The following PLB1 variants were observed in gnomAD, a reference collection of about 807,000 sequenced individuals.
The protein encoded by PLB1 is phospholipase B1, also known as phospholipase B1, membrane-associated.
Under a neutral mutation model 227.4 loss-of-function variants are expected in PLB1, and 242 were observed. The observed-to-expected ratio is 1.06, with a 90% CI of 0.96 to 1.18. The LOEUF is 1.18. Among genes scored for constraint, PLB1 ranks in the 50% most tolerant of loss-of-function variants. PLB1 has a pLI of 0.00. For synonymous variants in PLB1, 757 were observed against 682.2 expected, an observed-to-expected ratio of 1.11 and a Z score of -1.71; for missense variants, 1,858 against 1,816.3, an observed-to-expected ratio of 1.02 and a Z score of -0.42.
At chr2:28,598,864 G>C in intron 35 of PLB1, 104 bp downstream of exon 35, 1 of 994,750 alleles carries the variant, frequency 1.0e-6, no homozygotes, top group Non-Finnish European at 1.6e-6. Flanking sequence ...GGGGCACTTA[G>C]CCACTTGTGA....
chr2:28,529,439 A>G (rs769872513), intron 7 of PLB1, 32 bp downstream of exon 7: 1 of 1,513,432 alleles, frequency 6.6e-7, no homozygotes, highest in Non-Finnish European at 9.2e-7. Context: ...CTCTGAGGTT[A>G]TGTGTTCCTA....
chr2:28,628,337 A>G (rs1247803610), intron 51 of PLB1, among the ~76,000 whole-genome samples: 3 of 152,096 alleles, frequency 2.0e-5, no homozygotes, highest in Non-Finnish European at 2.9e-5. Context: ...TATGTAGAGC[A>G]GGGTGGGGGT....
chr2:28,536,848 A>G (rs1671751766), intron 9 of PLB1, among the ~76,000 whole-genome samples: 1 of 152,176 alleles, frequency 6.6e-6, no homozygotes, highest in South Asian at 2.1e-4. Flanking sequence ...GCCTGGAATG[A>G]CTGGGTGGGC....
intron 8 of PLB1, among the ~76,000 whole-genome samples, chr2:28,531,789 A>G (rs1301979742): frequency 6.6e-6 from 1 of 152,210 alleles, no homozygotes; most frequent in African/African-American, 2.4e-5. Flanking sequence ...CTTCTTATGC[A>G]TAAGGCTTCA....
At chr2:28,513,651 A>G (rs994607629) in intron 1 of PLB1, among the ~76,000 whole-genome samples, 1 of 152,256 alleles carries the variant, frequency 6.6e-6, no homozygotes, top group African/African-American at 2.4e-5. Context: ...TTGAACAGAC[A>G]CTTGCACGCA....
intron 11 of PLB1, among the ~76,000 whole-genome samples, chr2:28,540,042 C>T (rs1389826042): frequency 7.0e-6 from 1 of 143,028 alleles, no homozygotes; most frequent in Admixed American, 6.8e-5. Context: ...AGCTTCCCTC[C>T]ATCCCATACC....
intron 4 of PLB1, among the ~76,000 whole-genome samples, chr2:28,520,753 A>C (rs750768592): frequency 3.7e-4 from 56 of 152,104 alleles, no homozygotes; most frequent in Non-Finnish European, 7.2e-4. Context: ...TGGGCAGATC[A>C]CTTGAGGTCA....
intron 56 of PLB1, among the ~76,000 whole-genome samples, chr2:28,635,862 G>T (rs545407995): frequency 1.3e-5 from 2 of 152,302 alleles, no homozygotes; most frequent in Admixed American, 1.3e-4. Flanking sequence ...GCCAGTGTTT[G>T]TATCTCCCCA....
chr2:28,616,791 T>C (rs1422725541), intron 44 of PLB1, among the ~76,000 whole-genome samples: 1 of 152,202 alleles, frequency 6.6e-6, no homozygotes, highest in East Asian at 1.9e-4. Context: ...CCAAATTCCA[T>C]AGGATTAAGC....
intron 49 of PLB1, among the ~76,000 whole-genome samples, chr2:28,621,855 T>C (rs1486389807): frequency 6.9e-6 from 1 of 145,640 alleles, no homozygotes; most frequent in Non-Finnish European, 1.5e-5. Flanking sequence ...ATTACTGTTA[T>C]TATTGTTATT....
Position 28,633,002 on chromosome 2 carries a change from G to A in PLB1, c.4061G>A (p.Gly1354Glu). 1 of 1,614,070 alleles carries A rather than the reference G, an allele frequency of 6.2e-7. No homozygotes were observed. Among genetic ancestry groups the A allele is most frequent in the Non-Finnish European group, 8.5e-7 (1 of 1,180,032 alleles). ...GACTGTTTTCACTTCTCAGACCGCG[G>A]GCATGCCGAGATGGCCATCGCACTC... Reference protein sequence around the residue: ...SEDCFHFSDRGHAEMAIALWN... With the variant: ...SEDCFHFSDREHAEMAIALWN... Residue 1354 changes from glycine (G) to glutamate (E), a missense_variant, in exon 56 of 58, where the codon GGG becomes GAG. Transcript: ENST00000327757.
At chr2:28,619,525 T>G (rs905713660) in intron 46 of PLB1, among the ~76,000 whole-genome samples, 2 of 51,594 alleles carry the variant, frequency 3.9e-5, no homozygotes, top group African/African-American at 1.9e-4. Flanking sequence ...CAAGGTTTTG[T>G]TTTTTTTTTT....
chr2:28,625,623 A>C (rs537828432), intron 50 of PLB1, among the ~76,000 whole-genome samples: 74 of 151,702 alleles, frequency 4.9e-4, no homozygotes, highest in Non-Finnish European at 8.8e-4. Flanking sequence ...CCCAGCCCCA[A>C]CCCCGCTTCT....
intron 38 of PLB1, 83 bp from the exon 39 acceptor site, chr2:28,602,738 A>G: frequency 8.0e-7 from 1 of 1,244,862 alleles, no homozygotes; most frequent in South Asian, 1.3e-5. Flanking sequence ...TGGATTGCTA[A>G]AGGAACCCAT....
At chr2:28,584,456 C>A (rs892938041) in intron 25 of PLB1, among the ~76,000 whole-genome samples, 42 of 152,254 alleles carry the variant, frequency 2.8e-4, no homozygotes, top group African/African-American at 1.0e-3. Flanking sequence ...TCTCCAGTCA[C>A]TGGGCCACAC....
chr2:28,570,045 C>T (rs1677749672), intron 20 of PLB1, among the ~76,000 whole-genome samples: 1 of 150,102 alleles, frequency 6.7e-6, no homozygotes, highest in African/African-American at 2.4e-5. Context: ...AATTTTAAAA[C>T]TTCCCACCAA....
intron 6 of PLB1, among the ~76,000 whole-genome samples, chr2:28,528,478 C>G (rs1292683795): frequency 6.6e-6 from 1 of 152,212 alleles, no homozygotes; most frequent in Non-Finnish European, 1.5e-5. Context: ...CCTGCTGTCA[C>G]TCTCAGGAGA....
chr2:28,574,409 G>T (rs1678568841), intron 21 of PLB1, among the ~76,000 whole-genome samples: 1 of 119,688 alleles, frequency 8.4e-6, no homozygotes, highest in Admixed American at 1.0e-4. Flanking sequence ...TTGAGACAGG[G>T]TCTTGCTCTG....
chr2:28,640,898 G>A, intron 56 of PLB1, 29 bp from the exon 57 acceptor site: 2 of 1,601,440 alleles, frequency 1.2e-6, no homozygotes, highest in Non-Finnish European at 8.5e-7. Flanking sequence ...GCTTTGGAGA[G>A]AATCGAGGTG....
Sources: allele counts gnomAD v4.1 joint callset (sites outside exome capture counted in the v4.1 genomes callset), GRCh38; gene constraint gnomAD v4.1.1; transcripts MANE v1.5; gene names NCBI Gene and HGNC (gene_info 2026-07-23, HGNC 2026-07-21).